PRG4: variants seen among roughly 807,000 people sequenced by gnomAD.
PRG4 encodes proteoglycan 4.
PRG4 carries 61 observed loss-of-function variants against 91.2 expected under a neutral mutation model. The observed-to-expected ratio is 0.67, with a 90% CI of 0.54 to 0.83. The LOEUF (loss-of-function observed/expected upper bound fraction) is 0.83, where lower values mean the gene tolerates loss of function less well. PRG4 is among the 40% of genes least tolerant of loss of function. The pLI, the probability that PRG4 is intolerant of heterozygous loss-of-function variation, is 0.00. For missense variants in PRG4, 1,564 were observed against 1,714.2 expected, an observed-to-expected ratio of 0.91 and a Z score of 1.55; for synonymous variants, 576 against 614.2, an observed-to-expected ratio of 0.94 and a Z score of 0.92.
chr1:186,312,122 G>T, intron 10 of PRG4, 53 bp from the exon 11 acceptor site: 2 of 1,529,840 alleles, frequency 1.3e-6, no homozygotes, highest in Non-Finnish European at 1.8e-6. Context: ...CACCTTTTCT[G>T]AGGGTATTAA....
chr1:186,304,692 C>G, intron 5 of PRG4, 102 bp from the exon 6 acceptor site: 1 of 1,432,078 alleles, frequency 7.0e-7, no homozygotes, highest in Non-Finnish European at 9.7e-7. Context: ...AATCCAGATA[C>G]TTGTAGACTA....
At position 186,306,333 on chromosome 1, in the gene PRG4, A is replaced by G; in HGVS notation, c.614A>G (p.Lys205Arg). The change falls in exon 7 of 13, where the codon AAG becomes AGG. Residue 205 changes from lysine to arginine, a missense_variant. Coordinates refer to ENST00000445192, the MANE Select transcript of PRG4 (RefSeq NM_005807.6). ...QKKLKVKDNK[K>R]NRTKKKPTPK... Reference sequence around the variant, plus strand: ...TTTTCTCCAGTAAAAGATAACAAGAAGAACAGAACTAAAAAGAAACCTACC... The same window carrying G: ...TTTTCTCCAGTAAAAGATAACAAGAGGAACAGAACTAAAAAGAAACCTACC... 6.3e-7 allele frequency: 1 copy of G among 1,592,264 alleles called. No homozygotes were observed. Among genetic ancestry groups the G allele is most frequent in the South Asian group, 1.2e-5 (1 of 86,102 alleles).
rs1398432067 is a variant in PRG4 at position 186,306,982 on chromosome 1, A to G, written c.1263A>G (p.Ala421=). 1 of 1,578,186 alleles carries G rather than the reference A, an allele frequency of 6.3e-7. No homozygotes were observed. The highest frequency in any genetic ancestry group is 1.5e-5 in the African/African-American group (1 of 64,850). The change falls in exon 7 of 13, where the codon GCA becomes GCG. Residue 421 remains alanine (A), a synonymous_variant. Coordinates refer to ENST00000445192, the MANE Select transcript of PRG4 (RefSeq NM_005807.6). The stretch of plus-strand genomic sequence containing the variant: ...CACCCACCACCACCAAGGAGCCTGC[A>G]CCCACCACCACCAAGTCTGCACCCA... ...EPAPTTTKEP[A]PTTTKSAPTT... is the part of the protein sequence containing the mutation.
rs1165016673 is a variant in PRG4 at position 186,304,860 on chromosome 1, T to C, written c.536T>C (p.Ile179Thr). 6.2e-7 allele frequency: 1 copy of C among 1,612,734 alleles called. No homozygotes were observed. The highest frequency in any genetic ancestry group is 8.5e-7 in the Non-Finnish European group (1 of 1,179,160). ...TCCTCTTCCTCTTCTTCTTCAACAATTCGGAAAATCAAGTCTTCCAAAAAT... is the reference window on the plus strand; with the variant it reads ...TCCTCTTCCTCTTCTTCTTCAACAACTCGGAAAATCAAGTCTTCCAAAAAT... ...SSSSSSSSSTIRKIKSSKNSA... is the reference protein window; with the variant it reads ...SSSSSSSSSTTRKIKSSKNSA... The change falls in exon 6 of 13, where the codon ATT (isoleucine) becomes ACT (threonine). Residue 179 changes from isoleucine to threonine, a missense_variant. By Grantham distance (89) the Ile-to-Thr change is moderately conservative. This residue lies in a region of PRG4 where 437 missense variants were observed against 459.0 expected (regional missense o/e 0.95). Transcript: ENST00000445192.
intron 9 of PRG4, 134 bp downstream of exon 9, chr1:186,311,304 C>T (rs1284999348): frequency 2.1e-6 from 3 of 1,409,118 alleles, no homozygotes; most frequent in African/African-American, 1.4e-5. Context: ...CATAATTCAA[C>T]AGTTTGATAA....
chr1:186,309,636 T>A, intron 7 of PRG4, among the ~76,000 whole-genome samples, 157 bp from the exon 8 acceptor site: 1 of 152,218 alleles, frequency 6.6e-6, no homozygotes, highest in East Asian at 1.9e-4. Context: ...TAAAATGGAA[T>A]TATCAAGTAT....
rs138414091 is a variant in PRG4, at chr1:186,307,926, C to G, written c.2207C>G (p.Thr736Ser). The change falls in exon 7 of 13, where the codon ACC (threonine) becomes AGC (serine). Residue 736 changes from threonine (T) to serine (S), a missense_variant. Transcript: ENST00000445192. Reference sequence around the variant, plus strand: ...CCTGCCCCCAAGGAGCTTGCACCCACCACCACCAAGGAGCCCACATCCACC... The same window carrying G: ...CCTGCCCCCAAGGAGCTTGCACCCAGCACCACCAAGGAGCCCACATCCACC... Reference protein sequence around the residue: ...KKPAPKELAPTTTKEPTSTTS... With the variant: ...KKPAPKELAPSTTKEPTSTTS... The G allele has an allele frequency of 3.9e-4, 632 of 1,611,304 alleles. No individual in the cohort carries two copies. The highest frequency in any genetic ancestry group is 5.1e-4 in the Non-Finnish European group (597 of 1,179,234).
chr1:186,308,415 C>A lies in PRG4; in HGVS notation c.2696C>A (p.Pro899His), dbSNP rs1174760203. The change falls in exon 7 of 13, where the codon CCT becomes CAT. Residue 899 changes from proline (P) to histidine (H), a missense_variant. Around this residue, in one of 3 missense-constraint regions of PRG4, gnomAD observed 1,079 missense variants for 1,162.2 expected, o/e 0.93. Transcript: ENST00000445192. ...LENSPKEPGV[P>H]TTKTPAATKP... ...AACAGTCCCAAGGAACCTGGTGTAC[C>A]TACAACTAAGACTCCTGCAGCGACT... is the stretch of plus-strand genomic sequence containing the variant. 6.2e-7 allele frequency: 1 copy of A among 1,613,830 alleles called. No individual in the cohort carries two copies. Among genetic ancestry groups the A allele is most frequent in the Non-Finnish European group, 8.5e-7 (1 of 1,180,048 alleles).
chr1:186,309,648 T>C, intron 7 of PRG4, 145 bp from the exon 8 acceptor site: 1 of 671,638 alleles, frequency 1.5e-6, no homozygotes, highest in Non-Finnish European at 2.7e-6. Flanking sequence ...ATCAAGTATA[T>C]AACTATGCAA....
In PRG4 at chr1:186,312,262, G is replaced by C. The variant is rs747293786; in HGVS notation, c.3881G>C (p.Gly1294Ala). 6.2e-7 allele frequency: 1 copy of C among 1,613,884 alleles called. No individual in the cohort carries two copies. Among genetic ancestry groups the C allele is most frequent in the African/African-American group, 1.3e-5 (1 of 74,906 alleles). ...CCTGCTCTAAATTATCCAGTGTATG[G>C]AGAAACGACACAGGTTAGGAGACGT... Reference protein sequence around the residue: ...RRPALNYPVYGETTQVRRRRF... With the variant: ...RRPALNYPVYAETTQVRRRRF... Residue 1294 changes from glycine to alanine, a missense_variant, in exon 11 of 13, where the codon GGA (glycine) becomes GCA (alanine). Gly to Ala is a moderately conservative substitution (Grantham distance 60). Transcript: ENST00000445192.
At position 186,307,361 on chromosome 1, in the gene PRG4, A is replaced by G; in HGVS notation, c.1642A>G (p.Thr548Ala). 6.3e-7 allele frequency: 1 copy of G among 1,584,794 alleles called. No homozygotes were observed. Among genetic ancestry groups the G allele is most frequent in the Non-Finnish European group, 8.5e-7 (1 of 1,172,092 alleles). The change falls in exon 7 of 13, where the codon ACT (threonine) becomes GCT (alanine). Residue 548 changes from threonine to alanine, a missense_variant. By Grantham distance (58) the Thr-to-Ala change is moderately conservative. Around this residue, in one of 3 missense-constraint regions of PRG4, gnomAD observed 1,079 missense variants for 1,162.2 expected, o/e 0.93. Transcript: ENST00000445192. Reference protein sequence around the residue: ...APTTTKSAPTTPKEPSPTTTK... With the variant: ...APTTTKSAPTAPKEPSPTTTK... ...CACCACTACCAAGTCTGCACCCACCACTCCCAAGGAGCCTTCACCCACCAC... is the reference window on the plus strand; with the variant it reads ...CACCACTACCAAGTCTGCACCCACCGCTCCCAAGGAGCCTTCACCCACCAC...
chr1:186,298,985 C>T (rs1656029134), intron 2 of PRG4, among the ~76,000 whole-genome samples: 1 of 152,100 alleles, frequency 6.6e-6, no homozygotes, highest in South Asian at 2.1e-4. Context: ...GTTTTATTTG[C>T]ATATTCAGAC....
At position 186,306,785 on chromosome 1, in the gene PRG4, A is replaced by G. The variant is rs1174948256; in HGVS notation, c.1066A>G (p.Lys356Glu). The G allele has an allele frequency of 1.9e-6, 3 of 1,612,890 alleles. No homozygotes were observed. In the South Asian group the frequency reaches 3.3e-5, roughly 18 times the overall value. The change falls in exon 7 of 13, where the codon AAG (lysine) becomes GAG (glutamate). Residue 356 changes from lysine (K) to glutamate (E), a missense_variant. Physicochemically the swap from Lys to Glu is moderately conservative, Grantham distance 56. This residue lies in a region of PRG4 where 437 missense variants were observed against 459.0 expected (regional missense o/e 0.95). Coordinates refer to ENST00000445192, the MANE Select transcript of PRG4 (RefSeq NM_005807.6). ...CAAGGAGCCCACGCCCACCACTCCC[A>G]AGGAGCCTGCATCTACCACACCCAA... ...TPKEPTPTTP[K>E]EPASTTPKEP...
Position 186,308,477 on chromosome 1 carries a change from A to G in PRG4, c.2758A>G (p.Thr920Ala). 1 of 1,613,908 alleles carries G rather than the reference A, an allele frequency of 6.2e-7. No individual in the cohort carries two copies. Among genetic ancestry groups the G allele is most frequent in the Non-Finnish European group, 8.5e-7 (1 of 1,180,030 alleles). Residue 920 changes from threonine (T) to alanine (A), a missense_variant, in exon 7 of 13, where the codon ACA (threonine) becomes GCA (alanine). By Grantham distance (58) the Thr-to-Ala change is moderately conservative. This residue lies in a region of PRG4 where 1,079 missense variants were observed against 1,162.2 expected (regional missense o/e 0.93). Transcript: ENST00000445192. ...GACTACAACAGCTAAAGACAAGACA[A>G]CAGAAAGAGACTTACGTACTACACC... ...EMTTTAKDKTTERDLRTTPET... is the reference protein window; with the variant it reads ...EMTTTAKDKTAERDLRTTPET...
At position 186,306,988 on chromosome 1, in the gene PRG4, C is replaced by T; in HGVS notation, c.1269C>T (p.Thr423=). Reference sequence around the variant, plus strand: ...CCACCACCAAGGAGCCTGCACCCACCACCACCAAGTCTGCACCCACCACTC... The same window carrying T: ...CCACCACCAAGGAGCCTGCACCCACTACCACCAAGTCTGCACCCACCACTC... ...APTTTKEPAP[T]TTKSAPTTPK... Residue 423 remains threonine, a synonymous_variant, in exon 7 of 13, where the codon ACC becomes ACT. Transcript: ENST00000445192. 1.9e-6 allele frequency: 3 copies of T among 1,601,136 alleles called. No homozygotes were observed. The highest frequency in any genetic ancestry group is 4.5e-5 in the East Asian group (2 of 44,138).
In PRG4 at chr1:186,308,261, G is replaced by A; in HGVS notation, c.2542G>A (p.Glu848Lys). 1 of 1,613,676 alleles carries A rather than the reference G, an allele frequency of 6.2e-7. No individual in the cohort carries two copies. The highest frequency in any genetic ancestry group is 8.5e-7 in the Non-Finnish European group (1 of 1,179,902). Residue 848 changes from glutamate to lysine, a missense_variant, in exon 7 of 13, where the codon GAG becomes AAG. Transcript: ENST00000445192. ...TPKKPAPTTP[E>K]TPPPTTSEVS... The stretch of plus-strand genomic sequence containing the variant: ...CAAGAAGCCTGCTCCAACTACTCCT[G>A]AGACACCTCCTCCAACCACTTCAGA...
At chr1:186,310,449 T>C (rs1239519954) in intron 8 of PRG4, among the ~76,000 whole-genome samples, 2 of 152,080 alleles carry the variant, frequency 1.3e-5, no homozygotes, top group African/African-American at 2.4e-5. Context: ...GATAAAGAAA[T>C]TGAGATCTAA....
chr1:186,306,680 T>C lies in PRG4; in HGVS notation c.961T>C (p.Leu321=). The C allele has an allele frequency of 6.2e-7, 1 of 1,613,754 alleles. No homozygotes were observed. Among genetic ancestry groups the C allele is most frequent in the Non-Finnish European group, 8.5e-7 (1 of 1,179,778 alleles). The change falls in exon 7 of 13, where the codon TTA becomes CTA. Residue 321 remains leucine (L), a synonymous_variant. Transcript: ENST00000445192. ...QSIEKTSAKD[L]APTSKVLAKP... is the part of the protein sequence containing the mutation. ...TATAGAGAAAACATCTGCTAAAGAT[T>C]TAGCACCCACATCTAAAGTGCTGGC... is the stretch of plus-strand genomic sequence containing the variant.
At chr1:186,309,400 T>C (rs1272620887) in intron 7 of PRG4, among the ~76,000 whole-genome samples, 1 of 152,160 alleles carries the variant, frequency 6.6e-6, no homozygotes, top group Admixed American at 6.5e-5. Flanking sequence ...GTCAAAAAAA[T>C]TTAGTTCGGA....
Sources: allele counts gnomAD v4.1 joint callset (sites outside exome capture counted in the v4.1 genomes callset), GRCh38; gene constraint gnomAD v4.1.1; regional missense constraint gnomAD v4.1.1; transcripts MANE v1.5; gene names NCBI Gene and HGNC (gene_info 2026-07-23, HGNC 2026-07-21).